Variants in DENND1A observed in about 807,000 individuals in gnomAD.
DENND1A encodes the protein DENN domain-containing protein 1A.
Under a neutral mutation model 113.7 loss-of-function variants are expected in DENND1A, and 51 were observed. That is an observed-to-expected ratio of 0.45 (90% CI 0.36 to 0.57). DENND1A has a LOEUF of 0.57. Among genes scored for constraint, DENND1A ranks in the 20% least tolerant of loss-of-function variants. DENND1A has a pLI of 0.00. For synonymous variants in DENND1A, 565 were observed against 570.8 expected, an observed-to-expected ratio of 0.99 and a Z score of 0.14; for missense variants, 1,258 against 1,395.9, an observed-to-expected ratio of 0.90 and a Z score of 1.57.
At chr9:123,721,684 G>A (rs1270913362) in intron 5 of DENND1A, among the ~76,000 whole-genome samples, 1 of 152,130 alleles carries the variant, frequency 6.6e-6, no homozygotes, top group Non-Finnish European at 1.5e-5. Flanking sequence ...AGATCTAATG[G>A]CTATAAAAAT....
chr9:123,777,711 A>T (rs951780071), intron 3 of DENND1A, among the ~76,000 whole-genome samples: 7 of 152,210 alleles, frequency 4.6e-5, no homozygotes, highest in Non-Finnish European at 7.3e-5. Context: ...CTTGTATGAG[A>T]ATAATAGCCT....
chr9:123,864,982 G>T (rs1845614973), intron 2 of DENND1A, among the ~76,000 whole-genome samples: 1 of 152,070 alleles, frequency 6.6e-6, no homozygotes, highest in South Asian at 2.1e-4. Flanking sequence ...CTTAGACTGA[G>T]CATGACTGTA....
intron 2 of DENND1A, among the ~76,000 whole-genome samples, chr9:123,846,414 A>T (rs1375054136): frequency 6.6e-6 from 1 of 152,264 alleles, no homozygotes; most frequent in East Asian, 1.9e-4. Flanking sequence ...TGATTGCAGC[A>T]TTATTCACAA....
At chr9:123,411,387 T>A (rs1262508958) in intron 20 of DENND1A, 2 of 152,234 alleles carry the variant, frequency 1.3e-5, no homozygotes. Flanking sequence ...CAAATGCATC[T>A]CCAGACCAAG....
intron 11 of DENND1A, 98 bp from the exon 12 acceptor site, chr9:123,583,368 T>G: frequency 1.2e-6 from 1 of 836,996 alleles, no homozygotes; most frequent in Non-Finnish European, 1.9e-6. Flanking sequence ...AGAAGGAAAG[T>G]GACATTTGAC....
At position 123,715,444 on chromosome 9, in the gene DENND1A, T is replaced by G. The variant is rs112761275; in HGVS notation, c.303-38655A>C. ...ATTCATTCACTGACTCATATAAAACTTCCTTTCTTCATTCATTCACCCACA... is the reference window on the plus strand; with the variant it reads ...ATTCATTCACTGACTCATATAAAACGTCCTTTCTTCATTCATTCACCCACA... On this transcript the variant is annotated intron_variant, in intron 5 of 23. Transcript: ENST00000394215. 1.1e-4 allele frequency among the ~76,000 whole-genome samples: 16 copies of G among 152,290 alleles called. 1 individual carries two copies. Among genetic ancestry groups the G allele is most frequent in the African/African-American group, 3.8e-4 (16 of 41,570 alleles).
chr9:123,880,217 T>C (rs1194491474), intron 1 of DENND1A, among the ~76,000 whole-genome samples: 1 of 152,120 alleles, frequency 6.6e-6, no homozygotes, highest in Non-Finnish European at 1.5e-5. Context: ...TTCACCATGT[T>C]GGCCAGGCTG....
intron 5 of DENND1A, among the ~76,000 whole-genome samples, chr9:123,740,899 TG>T (rs2068952875): frequency 9.2e-6 from 1 of 108,870 alleles, no homozygotes; most frequent in African/African-American, 3.7e-5. Flanking sequence ...GAAGGGAAAG[TG>T]AGAGAGAGAG....
At chr9:123,864,912 G>A (rs904357305) in intron 2 of DENND1A, among the ~76,000 whole-genome samples, 3 of 152,122 alleles carry the variant, frequency 2.0e-5, no homozygotes, top group Admixed American at 6.5e-5. Context: ...CACTGTTCTA[G>A]GTGCTGGGGA....
intron 3 of DENND1A, among the ~76,000 whole-genome samples, chr9:123,786,112 C>G (rs922535306): frequency 2.6e-5 from 4 of 151,826 alleles, no homozygotes; most frequent in African/African-American, 7.3e-5. Flanking sequence ...ACTCGGGAGG[C>G]TGAGACATAA....
chr9:123,860,426 C>CATAGTGAGAT (rs1355590211), intron 2 of DENND1A, among the ~76,000 whole-genome samples: 1 of 152,090 alleles, frequency 6.6e-6, no homozygotes, highest in Non-Finnish European at 1.5e-5. Flanking sequence ...CAGAATTCTC[C>CATAGTGAGAT]ATAGTGAGAT....
At chr9:123,806,768 G>A (rs78998272) in intron 2 of DENND1A, among the ~76,000 whole-genome samples, 22 of 151,994 alleles carry the variant, frequency 1.4e-4, no homozygotes, top group Admixed American at 3.3e-4. Flanking sequence ...TATCCCCAGC[G>A]CCTGGAAAAA....
At chr9:123,827,389 T>G (rs1160403100) in intron 2 of DENND1A, among the ~76,000 whole-genome samples, 1 of 124,390 alleles carries the variant, frequency 8.0e-6, no homozygotes, top group Non-Finnish European at 1.6e-5. Flanking sequence ...TTAATGGATA[T>G]ATAATATATA....
chr9:123,903,644 G>C (rs982086099), intron 1 of DENND1A, among the ~76,000 whole-genome samples: 1 of 152,138 alleles, frequency 6.6e-6, no homozygotes, highest in Admixed American at 6.6e-5. Context: ...ACTCCCACCC[G>C]AATATTGCGC....
intron 2 of DENND1A, among the ~76,000 whole-genome samples, chr9:123,809,486 C>G (rs905000365): frequency 6.6e-6 from 1 of 151,708 alleles, no homozygotes; most frequent in Admixed American, 6.6e-5. Flanking sequence ...CAACTCATTG[C>G]TTTGGTAAAA....
chr9:123,899,202 T>C (rs1259392842), intron 1 of DENND1A, among the ~76,000 whole-genome samples: 4 of 152,206 alleles, frequency 2.6e-5, no homozygotes, highest in African/African-American at 9.7e-5. Context: ...ACTGTGCTTC[T>C]CTTCTGTCTA....
intron 13 of DENND1A, among the ~76,000 whole-genome samples, chr9:123,520,699 C>T (rs1347528807): frequency 6.6e-6 from 1 of 152,220 alleles, no homozygotes; most frequent in Non-Finnish European, 1.5e-5. Flanking sequence ...CACTGAACTG[C>T]CTGCCTCTGA....
At chr9:123,747,082 G>A (rs2069577275) in intron 5 of DENND1A, among the ~76,000 whole-genome samples, 2 of 151,238 alleles carry the variant, frequency 1.3e-5, no homozygotes. Context: ...GTTTTCTGAT[G>A]GGACCAGAAT....
At chr9:123,463,643 TTCACGCC>T (rs1439757972) in intron 13 of DENND1A, among the ~76,000 whole-genome samples, 1 of 152,060 alleles carries the variant, frequency 6.6e-6, no homozygotes, top group Non-Finnish European at 1.5e-5. Context: ...GGAGTAGTGG[TTCACGCC>T]TGTAATCCTG....
Sources: gnomAD v4.1 joint callset for allele counts (sites outside exome capture counted in the v4.1 genomes callset) on GRCh38, gnomAD v4.1.1 for gene constraint, MANE v1.5 for transcripts, NCBI Gene and HGNC (gene_info 2026-07-23, HGNC 2026-07-21) for gene names.